The following DUSP22 variants were observed in gnomAD, a reference collection of about 807,000 sequenced individuals.
The protein encoded by DUSP22 is dual specificity phosphatase 22.
A neutral mutation model predicts 24.5 loss-of-function variants in DUSP22; 24 were observed. That is an observed-to-expected ratio of 0.98 (90% CI 0.71 to 1.38). DUSP22 has a LOEUF of 1.38. DUSP22 is among the 40% of genes most tolerant of loss of function. DUSP22 has a pLI of 0.00. For synonymous variants in DUSP22, 160 were observed against 106.4 expected, an observed-to-expected ratio of 1.50 and a Z score of -3.10; for missense variants, 330 against 269.2, an observed-to-expected ratio of 1.23 and a Z score of -1.58.
At chr6:311,759 T>G (rs1355570620) in intron 2 of DUSP22, 121 bp from the exon 3 acceptor site, 10 of 1,088,314 alleles carry the variant, frequency 9.2e-6, no homozygotes, top group South Asian at 3.3e-5. Context: ...TGGTCAGTTA[T>G]GAAGTTTCAG....
intron 3 of DUSP22, among the ~76,000 whole-genome samples, chr6:323,641 A>T (rs1168808291): frequency 1.3e-5 from 2 of 152,298 alleles, no homozygotes; most frequent in African/African-American, 4.8e-5. Flanking sequence ...TCCCTTTGCC[A>T]TCTTAGGATG....
intron 3 of DUSP22, among the ~76,000 whole-genome samples, chr6:328,189 C>T (rs1191186098): frequency 2.0e-5 from 3 of 152,304 alleles, no homozygotes; most frequent in East Asian, 1.9e-4. Context: ...CCACGGAATG[C>T]CTTGGTCCCA....
rs978287736 is a variant in DUSP22, at chr6:295,338, C to T, written c.21+2778C>T. 3.3e-5 allele frequency among the ~76,000 whole-genome samples: 5 copies of T among 152,400 alleles called. No individual in the cohort carries two copies. The East Asian group carries it at 9.6e-4, about 29-fold the overall frequency. On this transcript the variant is annotated intron_variant, in intron 1 of 6. Transcript: ENST00000419235. ...GGACAGCAGTTTTTATCATTCACAT[C>T]CCTGTGGTGGCTCTTCTTGTCGGTC... is the stretch of plus-strand genomic sequence containing the variant.
chr6:292,704 G>T, intron 1 of DUSP22, 144 bp downstream of exon 1: 1 of 1,256,776 alleles, frequency 8.0e-7, no homozygotes, highest in Non-Finnish European at 1.0e-6. Context: ...GCGCGCCTGG[G>T]CGGCGACCGC....
chr6:335,376 T>C (rs763142483), intron 4 of DUSP22, among the ~76,000 whole-genome samples: 1 of 152,308 alleles, frequency 6.6e-6, no homozygotes, highest in African/African-American at 2.4e-5. Flanking sequence ...GGTCCTTCCA[T>C]TATGCAGAGA....
chr6:335,387 G>C (rs1759317383), intron 4 of DUSP22, among the ~76,000 whole-genome samples: 1 of 152,308 alleles, frequency 6.6e-6, no homozygotes. Context: ...TATGCAGAGA[G>C]ACTCATGGGC....
At chr6:328,796 G>A (rs1217591915) in intron 3 of DUSP22, among the ~76,000 whole-genome samples, 1 of 152,302 alleles carries the variant, frequency 6.6e-6, no homozygotes, top group Admixed American at 6.5e-5. Flanking sequence ...TAATTTATTT[G>A]GGACTTTTGC....
At chr6:321,619 T>C (rs1360889132) in intron 3 of DUSP22, among the ~76,000 whole-genome samples, 1 of 152,294 alleles carries the variant, frequency 6.6e-6, no homozygotes, top group Non-Finnish European at 1.5e-5. Context: ...AAAGATTCTC[T>C]AGCAAGAATC....
intron 1 of DUSP22, among the ~76,000 whole-genome samples, chr6:299,001 A>T (rs1037735344): frequency 3.3e-5 from 5 of 152,422 alleles, no homozygotes; most frequent in African/African-American, 1.2e-4. Context: ...ACCTCCCTGG[A>T]AATGGTCATC....
chr6:338,518 C>A (rs1759461923), intron 4 of DUSP22, among the ~76,000 whole-genome samples: 1 of 152,292 alleles, frequency 6.6e-6, no homozygotes, highest in Non-Finnish European at 1.5e-5. Context: ...TATCATCAAC[C>A]AATGAGGATG....
At chr6:342,522 A>G (rs1426244276) in intron 4 of DUSP22, among the ~76,000 whole-genome samples, 1 of 152,308 alleles carries the variant, frequency 6.6e-6, no homozygotes, top group Non-Finnish European at 1.5e-5. Flanking sequence ...GGCAAGTTGC[A>G]GACCAGCAGT....
At chr6:318,557 G>A (rs1005688292) in intron 3 of DUSP22, among the ~76,000 whole-genome samples, 1 of 151,818 alleles carries the variant, frequency 6.6e-6, no homozygotes, top group Non-Finnish European at 1.5e-5. Context: ...ACCACAGCAG[G>A]CCTCAGCTCT....
chr6:303,101 C>T (rs1199957349), intron 1 of DUSP22, among the ~76,000 whole-genome samples: 1 of 152,308 alleles, frequency 6.6e-6, no homozygotes, highest in Non-Finnish European at 1.5e-5. Context: ...ATGATGCTCT[C>T]TAGTGTCTAC....
intron 3 of DUSP22, among the ~76,000 whole-genome samples, chr6:334,699 C>T (rs944065554): frequency 1.3e-5 from 2 of 152,294 alleles, no homozygotes; most frequent in Admixed American, 1.3e-4. Context: ...AGTTTTCACT[C>T]TTGTTAAGGT....
intron 1 of DUSP22, among the ~76,000 whole-genome samples, chr6:304,385 G>C (rs1451425345): frequency 6.6e-6 from 1 of 152,308 alleles, no homozygotes; most frequent in Admixed American, 6.5e-5. Flanking sequence ...CAGCACTGCA[G>C]GGCTGCAAAT....
chr6:305,446 A>G (rs1327879729), intron 2 of DUSP22, among the ~76,000 whole-genome samples: 5 of 152,310 alleles, frequency 3.3e-5, no homozygotes, highest in African/African-American at 1.2e-4. Flanking sequence ...TACTATTGAG[A>G]AATTTTCAGA....
chr6:347,203 T>G (rs1162313757), intron 5 of DUSP22, among the ~76,000 whole-genome samples: 8 of 152,300 alleles, frequency 5.3e-5, no homozygotes, highest in Non-Finnish European at 7.3e-5. Flanking sequence ...GGATCTGTCT[T>G]TTAAGATCTC....
At chr6:312,139 G>A (rs925929707) in intron 3 of DUSP22, among the ~76,000 whole-genome samples, 177 bp downstream of exon 3, 30 of 152,416 alleles carry the variant, frequency 2.0e-4, no homozygotes, top group Admixed American at 3.3e-4. Flanking sequence ...GTAGCGTGGC[G>A]CGAGGGTGTG....
rs577518202 is a variant in DUSP22 at position 341,416 on chromosome 6, A to T, written c.189-4438A>T. On this transcript the variant is annotated intron_variant, in intron 4 of 6. Transcript: ENST00000419235. ...GGACTGTGGGTATTTCCCACTGTGGAGGAGGGAGTTTAATGACCAGAGTTG... is the reference window on the plus strand; with the variant it reads ...GGACTGTGGGTATTTCCCACTGTGGTGGAGGGAGTTTAATGACCAGAGTTG... 6.6e-5 allele frequency among the ~76,000 whole-genome samples: 10 copies of T among 152,424 alleles called. No homozygotes were observed. The South Asian group carries it at 1.9e-3, about 28-fold the overall frequency.
Sources: gnomAD v4.1 joint callset for allele counts (sites outside exome capture counted in the v4.1 genomes callset) on GRCh38, gnomAD v4.1.1 for gene constraint, MANE v1.5 for transcripts, NCBI Gene and HGNC (gene_info 2026-07-23, HGNC 2026-07-21) for gene names.